Variants in IKZF1 observed in about 807,000 individuals in gnomAD.
IKZF1 encodes IKAROS family zinc finger 1.
Under a neutral mutation model 51.7 loss-of-function variants are expected in IKZF1, and 10 were observed. That is an observed-to-expected ratio of 0.19 (90% CI 0.12 to 0.33). IKZF1 has a LOEUF of 0.33. Ranked by LOEUF, IKZF1 falls within the 10% of genes least tolerant of loss-of-function variation. The pLI is 1.00. For missense variants in IKZF1, 484 were observed against 707.5 expected, an observed-to-expected ratio of 0.68 and a Z score of 3.58; for synonymous variants, 280 against 282.3, an observed-to-expected ratio of 0.99 and a Z score of 0.08.
chr7:50,336,346 G>A (rs1281087477), intron 3 of IKZF1, among the ~76,000 whole-genome samples: 1 of 152,162 alleles, frequency 6.6e-6, no homozygotes, highest in Non-Finnish European at 1.5e-5. Flanking sequence ...GGGCGTGCGT[G>A]GGGACCATGG....
Position 50,305,350 on chromosome 7 carries a change from C to T in IKZF1, c.-15+428C>T, listed in dbSNP as rs565767608. Reference sequence around the variant, plus strand: ...AATTTCTGCAAGAGAGGAATTATCCCGGCTTTGAAAAGTTAGTCCTTTTGC... The same window carrying T: ...AATTTCTGCAAGAGAGGAATTATCCTGGCTTTGAAAAGTTAGTCCTTTTGC... On this transcript the variant is annotated intron_variant, in intron 1 of 7. Transcript: ENST00000331340. Among the ~76,000 whole-genome samples the T allele has an allele frequency of 1.3e-4, 20 of 152,272 alleles. No individual in the cohort carries two copies. In the East Asian group the frequency reaches 3.9e-3, roughly 29 times the overall value.
rs1366776984 is a variant in IKZF1 at position 50,404,641 on chromosome 7, A to G, written c.*4014A>G. 4.3e-6 allele frequency: 1 copy of G among 230,190 alleles called. No homozygotes were observed. The highest frequency in any genetic ancestry group is 8.6e-6 in the Non-Finnish European group (1 of 116,122). The allele number at this position is 230,190 out of a possible 1,614,324, so 14.3% of individuals were successfully genotyped here. A position where few individuals can be genotyped will look rare whatever the true frequency, so the allele number is the denominator to read the frequency against. On this transcript the variant is annotated 3_prime_UTR_variant, in exon 8 of 8. Transcript: ENST00000331340. ...TCAGCACAACGTACCTCCCATCTAC[A>G]ACAGTGCTGGACGTGGGAATTCTAA... is the stretch of plus-strand genomic sequence containing the variant.
intron 7 of IKZF1, chr7:50,393,997 G>T: frequency 4.3e-6 from 1 of 232,434 alleles, no homozygotes; most frequent in Non-Finnish European, 8.5e-6. Flanking sequence ...ATTCATCTGT[G>T]AAACTCTACT....
chr7:50,329,372 T>C (rs1795914270), intron 3 of IKZF1, among the ~76,000 whole-genome samples: 2 of 152,136 alleles, frequency 1.3e-5, no homozygotes, highest in Admixed American at 6.5e-5. Flanking sequence ...AAGATACATA[T>C]ATCATTTCAG....
intron 3 of IKZF1, among the ~76,000 whole-genome samples, chr7:50,357,038 G>A (rs946734658): frequency 6.6e-6 from 1 of 151,974 alleles, no homozygotes; most frequent in African/African-American, 2.4e-5. Flanking sequence ...GACTCACCGG[G>A]CTTCGGAGGG....
intron 3 of IKZF1, among the ~76,000 whole-genome samples, chr7:50,362,372 T>TACAG (rs1234343151): frequency 6.6e-6 from 1 of 152,258 alleles, no homozygotes; most frequent in Non-Finnish European, 1.5e-5. Flanking sequence ...GGGAAGACTG[T>TACAG]ACAGACTCAC....
intron 2 of IKZF1, among the ~76,000 whole-genome samples, chr7:50,322,658 G>C (rs531863537): frequency 1.3e-5 from 2 of 152,278 alleles, no homozygotes; most frequent in Admixed American, 1.3e-4. Context: ...GTTTTTGGCA[G>C]TCTTTCCAAA....
intron 1 of IKZF1, among the ~76,000 whole-genome samples, chr7:50,309,422 C>T (rs1449078494): frequency 6.6e-6 from 1 of 152,258 alleles, no homozygotes; most frequent in African/African-American, 2.4e-5. Flanking sequence ...CTGTCATTCC[C>T]TTCCCTCCAT....
intron 7 of IKZF1, chr7:50,394,392 C>T (rs1285905965): frequency 8.6e-6 from 2 of 233,084 alleles, no homozygotes; most frequent in Non-Finnish European, 1.7e-5. Flanking sequence ...CTCCACTTCT[C>T]GGATGCTGAG....
chr7:50,400,648 C>T lies in IKZF1; in HGVS notation c.*21C>T. 6.3e-7 allele frequency: 1 copy of T among 1,588,696 alleles called. No individual in the cohort carries two copies. The highest frequency in any genetic ancestry group is 1.1e-5 in the South Asian group (1 of 89,308). On this transcript the variant is annotated 3_prime_UTR_variant, in exon 8 of 8. Coordinates refer to ENST00000331340, the MANE Select transcript of IKZF1 (RefSeq NM_006060.6). This position sits in a 1 kb window ranked among gnomAD's most constrained non-coding sequence, Gnocchi z 5.4. Reference sequence around the variant, plus strand: ...GCTAAAGCCCTCCCGCGCCCCCACCCCAGACCCCGAGCCACCCCAGGAAAA... The same window carrying T: ...GCTAAAGCCCTCCCGCGCCCCCACCTCAGACCCCGAGCCACCCCAGGAAAA...
intron 3 of IKZF1, chr7:50,369,412 T>TA (rs997708157): frequency 1.5e-4 from 59 of 397,878 alleles, no homozygotes; most frequent in African/African-American, 1.2e-3. Context: ...TTATGATAGT[T>TA]ACAGTTTTTA....
At chr7:50,357,940 G>A (rs972005988) in intron 3 of IKZF1, among the ~76,000 whole-genome samples, 6 of 152,036 alleles carry the variant, frequency 3.9e-5, no homozygotes, top group African/African-American at 7.2e-5. Context: ...TTTGTAAAGC[G>A]GGGGTGATAT....
intron 4 of IKZF1, among the ~76,000 whole-genome samples, chr7:50,377,554 G>A (rs1455366798): frequency 2.0e-5 from 3 of 152,244 alleles, no homozygotes; most frequent in Non-Finnish European, 4.4e-5. Context: ...GGAACACGGC[G>A]AGCCCCAGCT....
intron 3 of IKZF1, among the ~76,000 whole-genome samples, chr7:50,366,658 T>G (rs1218075214): frequency 1.3e-5 from 2 of 152,196 alleles, no homozygotes; most frequent in Non-Finnish European, 2.9e-5. Context: ...TTAGTCAGAG[T>G]TTTGTACTCT....
At chr7:50,315,990 T>C (rs34243680) in intron 1 of IKZF1, among the ~76,000 whole-genome samples, 2,925 of 152,332 alleles carry the variant, frequency 0.019, 50 homozygotes, top group East Asian at 0.042. Flanking sequence ...CTTTGTAAGC[T>C]GTCTTGGAAG....
chr7:50,397,188 C>G (rs779054908), intron 7 of IKZF1, among the ~76,000 whole-genome samples: 14 of 152,138 alleles, frequency 9.2e-5, no homozygotes, highest in Non-Finnish European at 1.5e-4. Flanking sequence ...CTGTTTCTTT[C>G]TAGTCTTTGA....
intron 3 of IKZF1, among the ~76,000 whole-genome samples, chr7:50,363,049 C>CA (rs2153449787): frequency 6.6e-6 from 1 of 152,252 alleles, no homozygotes; most frequent in East Asian, 1.9e-4. Flanking sequence ...CCATGAGAGG[C>CA]AAGGGTAGAG....
At chr7:50,315,552 T>C (rs1791338190) in intron 1 of IKZF1, among the ~76,000 whole-genome samples, 1 of 152,238 alleles carries the variant, frequency 6.6e-6, no homozygotes, top group Admixed American at 6.5e-5. Flanking sequence ...TCATAAGAAT[T>C]GCACAGGTAA....
chr7:50,372,958 A>G (rs560808646), intron 3 of IKZF1, among the ~76,000 whole-genome samples: 1 of 152,326 alleles, frequency 6.6e-6, no homozygotes, highest in Non-Finnish European at 1.5e-5. Flanking sequence ...CCTGAGCCAG[A>G]GTGTTTGTGT....
Sources: allele counts gnomAD v4.1 joint callset (sites outside exome capture counted in the v4.1 genomes callset), GRCh38; gene constraint gnomAD v4.1.1; non-coding constraint Gnocchi (gnomAD v3.1); transcripts MANE v1.5; gene names NCBI Gene and HGNC (gene_info 2026-07-23, HGNC 2026-07-21).